Variants in CAMTA1 observed in about 807,000 individuals in gnomAD.
The protein encoded by CAMTA1 is calmodulin binding transcription activator 1, also known as calmodulin-binding transcription activator 1.
In CAMTA1, 27 loss-of-function variants were observed where a neutral mutation model predicts 170.9. The ratio of observed to expected loss-of-function variants is 0.16; its 90% CI spans 0.12 to 0.22. The LOEUF is 0.22. Among genes scored for constraint, CAMTA1 ranks in the 10% least tolerant of loss-of-function variants. The pLI, the probability that CAMTA1 is intolerant of heterozygous loss-of-function variation, is 1.00. For synonymous variants in CAMTA1, 833 were observed against 891.5 expected, an observed-to-expected ratio of 0.93 and a Z score of 1.17; for missense variants, 1,619 against 2,217.2, an observed-to-expected ratio of 0.73 and a Z score of 5.42.
chr1:7,627,789 A>G (rs2095643337), intron 6 of CAMTA1, among the ~76,000 whole-genome samples: 1 of 152,176 alleles, frequency 6.6e-6, no homozygotes, highest in Non-Finnish European at 1.5e-5. Flanking sequence ...GGCCATAACC[A>G]GTTCTACCTT....
At chr1:6,791,004 A>G (rs1323379753) in intron 1 of CAMTA1, among the ~76,000 whole-genome samples, 1 of 151,874 alleles carries the variant, frequency 6.6e-6, no homozygotes, top group African/African-American at 2.4e-5. Context: ...TGAGTATGTG[A>G]CTGAGTGTAT....
At chr1:7,605,389 G>T (rs1010371287) in intron 6 of CAMTA1, among the ~76,000 whole-genome samples, 1 of 152,188 alleles carries the variant, frequency 6.6e-6, no homozygotes, top group African/African-American at 2.4e-5. Context: ...AATGGCAGGC[G>T]CCCCTCCCCA....
intron 6 of CAMTA1, among the ~76,000 whole-genome samples, chr1:7,515,955 C>G (rs372655372): frequency 6.6e-6 from 1 of 152,188 alleles, no homozygotes; most frequent in African/African-American, 2.4e-5. Flanking sequence ...CCCCAGGTCT[C>G]AGGGACTGAT....
At chr1:7,155,589 T>G (rs1482786862) in intron 4 of CAMTA1, among the ~76,000 whole-genome samples, 1 of 151,384 alleles carries the variant, frequency 6.6e-6, no homozygotes, top group East Asian at 2.0e-4. Context: ...GGTGCCACCA[T>G]GCCTGGTTAA....
chr1:7,194,725 T>C (rs1056727463), intron 4 of CAMTA1, among the ~76,000 whole-genome samples: 3 of 152,144 alleles, frequency 2.0e-5, no homozygotes, highest in Non-Finnish European at 4.4e-5. Context: ...GCCTAGAGCT[T>C]AGTAAGGAGA....
At chr1:7,536,800 C>T (rs891723313) in intron 6 of CAMTA1, among the ~76,000 whole-genome samples, 1 of 152,064 alleles carries the variant, frequency 6.6e-6, no homozygotes, top group African/African-American at 2.4e-5. Flanking sequence ...GCCCCGCTGC[C>T]TGCAGCCTGA....
intron 3 of CAMTA1, among the ~76,000 whole-genome samples, chr1:7,089,292 C>T (rs1193270121): frequency 6.6e-6 from 1 of 152,136 alleles, no homozygotes; most frequent in Admixed American, 6.5e-5. Flanking sequence ...TAATAAGAGG[C>T]CGTGCTGGTA....
chr1:7,049,600 G>A (rs751521951), intron 3 of CAMTA1, among the ~76,000 whole-genome samples: 2 of 151,962 alleles, frequency 1.3e-5, no homozygotes, highest in Non-Finnish European at 2.9e-5. Context: ...GGGATTATAG[G>A]GGCCCACCAC....
chr1:7,417,440 C>G (rs376228519), intron 5 of CAMTA1, among the ~76,000 whole-genome samples: 1 of 151,478 alleles, frequency 6.6e-6, no homozygotes, highest in Non-Finnish European at 1.5e-5. Context: ...TCGAGCTTCC[C>G]GGCTGCTTTG....
At chr1:7,608,685 C>T (rs760875411) in intron 6 of CAMTA1, among the ~76,000 whole-genome samples, 4 of 152,176 alleles carry the variant, frequency 2.6e-5, no homozygotes, top group Non-Finnish European at 5.9e-5. Context: ...CCACACTGGC[C>T]ATCAGTTTGA....
At chr1:7,381,894 T>A (rs1048819040) in intron 5 of CAMTA1, among the ~76,000 whole-genome samples, 4 of 152,088 alleles carry the variant, frequency 2.6e-5, no homozygotes, top group Non-Finnish European at 5.9e-5. Flanking sequence ...TTTGCATTTC[T>A]CTGATGGCCA....
intron 3 of CAMTA1, among the ~76,000 whole-genome samples, chr1:7,023,212 C>G (rs1349761852): frequency 6.6e-6 from 1 of 152,220 alleles, no homozygotes; most frequent in Non-Finnish European, 1.5e-5. Flanking sequence ...CCTGCACTAT[C>G]AATGTGGGCA....
intron 4 of CAMTA1, among the ~76,000 whole-genome samples, chr1:7,107,265 T>TGTGTGC (rs1643681433): frequency 1.1e-5 from 1 of 92,270 alleles, no homozygotes; most frequent in Non-Finnish European, 2.1e-5. Context: ...TGTGCATGTG[T>TGTGTGC]ATGTGTGTGT....
At chr1:6,843,295 A>G (rs1656639399) in intron 3 of CAMTA1, among the ~76,000 whole-genome samples, 1 of 152,086 alleles carries the variant, frequency 6.6e-6, no homozygotes, top group South Asian at 2.1e-4. Flanking sequence ...TGTCCATTCC[A>G]TTCCCTACCC....
At chr1:6,844,427 C>G (rs1335099860) in intron 3 of CAMTA1, among the ~76,000 whole-genome samples, 1 of 148,492 alleles carries the variant, frequency 6.7e-6, no homozygotes, top group East Asian at 2.0e-4. Context: ...AATCCCAGCA[C>G]TTTGGGAGGC....
intron 3 of CAMTA1, among the ~76,000 whole-genome samples, chr1:7,032,202 A>G (rs1702907441): frequency 6.6e-6 from 1 of 151,880 alleles, no homozygotes; most frequent in South Asian, 2.1e-4. Context: ...TGATCTCAAG[A>G]AATCCACCTG....
rs1343787224 is a variant in CAMTA1, at chr1:7,635,121, T to C, written c.511-5279T>C. On this transcript the variant is annotated intron_variant, in intron 6 of 22. Transcript: ENST00000303635. This position sits in a 1 kb window ranked among gnomAD's most constrained non-coding sequence, Gnocchi z 4.4. Reference sequence around the variant, plus strand: ...GCCTCCAGGAAAGCAAGGGCTCATCTCCAAAGGTCACGATCACTTTGGGGG... The same window carrying C: ...GCCTCCAGGAAAGCAAGGGCTCATCCCCAAAGGTCACGATCACTTTGGGGG... Among the ~76,000 whole-genome samples the C allele has an allele frequency of 6.6e-6, 1 of 152,134 alleles. No individual in the cohort carries two copies. The highest frequency in any genetic ancestry group is 2.4e-5 in the African/African-American group (1 of 41,416).
chr1:6,945,220 A>C (rs1372615630), intron 3 of CAMTA1, among the ~76,000 whole-genome samples: 1 of 152,214 alleles, frequency 6.6e-6, no homozygotes, highest in Non-Finnish European at 1.5e-5. Context: ...TTCACCCATT[A>C]AAATGTATAG....
At chr1:7,684,433 T>A (rs2096241338) in intron 11 of CAMTA1, among the ~76,000 whole-genome samples, 1 of 152,168 alleles carries the variant, frequency 6.6e-6, no homozygotes, top group South Asian at 2.1e-4. Context: ...CTCTCACGGC[T>A]GTGGAGACTG....
Sources: gnomAD v4.1 joint callset for allele counts (sites outside exome capture counted in the v4.1 genomes callset) on GRCh38, gnomAD v4.1.1 for gene constraint, Gnocchi (gnomAD v3.1) non-coding constraint, MANE v1.5 for transcripts, NCBI Gene and HGNC (gene_info 2026-07-23, HGNC 2026-07-21) for gene names.